The following FSTL4 variants were observed in gnomAD, a reference collection of about 807,000 sequenced individuals.
FSTL4 encodes the protein follistatin like 4.
In FSTL4, 28 loss-of-function variants were observed where a neutral mutation model predicts 78.2. The observed-to-expected ratio is 0.36, with a 90% confidence interval of 0.27 to 0.49. The LOEUF (loss-of-function observed/expected upper bound fraction) is 0.49. FSTL4 is among the 20% of genes least tolerant of loss of function. FSTL4 has a pLI of 0.98. For synonymous variants in FSTL4, 422 were observed against 440.5 expected (o/e 0.96, Z 0.53); for missense variants, 922 against 1,084.9 (o/e 0.85, Z 2.11).
chr5:133,292,578 A>C (rs1753291263), intron 6 of FSTL4, among the ~76,000 whole-genome samples: 1 of 151,694 alleles, frequency 6.6e-6, no homozygotes, highest in Non-Finnish European at 1.5e-5. Flanking sequence ...AGAAAGTGTG[A>C]AGTAGCAAAC....
chr5:133,819,655 C>T, the FSTL4 span, among the ~76,000 whole-genome samples: 1 of 152,204 alleles, frequency 6.6e-6, no homozygotes, highest in South Asian at 2.1e-4. Flanking sequence ...AAGATGAAAC[C>T]GGGCTGCCCA....
At chr5:133,502,794 C>T (rs925829879) in intron 3 of FSTL4, among the ~76,000 whole-genome samples, 5 of 152,144 alleles carry the variant, frequency 3.3e-5, no homozygotes, top group African/African-American at 1.2e-4. Context: ...GCCAATTAAA[C>T]CTCTTTTCTT....
At chr5:133,366,930 T>C (rs1755193067) in intron 4 of FSTL4, among the ~76,000 whole-genome samples, 1 of 152,208 alleles carries the variant, frequency 6.6e-6, no homozygotes, top group Non-Finnish European at 1.5e-5. Flanking sequence ...TGCTGTTAAA[T>C]GATATATTTA....
chr5:133,226,167 A>G (rs912910408), intron 8 of FSTL4, among the ~76,000 whole-genome samples: 13 of 152,222 alleles, frequency 8.5e-5, no homozygotes, highest in African/African-American at 3.1e-4. Context: ...ATTTAGATAC[A>G]TTCCCTTTCT....
At chr5:133,778,210 C>T in the FSTL4 span, among the ~76,000 whole-genome samples, 1 of 152,206 alleles carries the variant, frequency 6.6e-6, no homozygotes, top group African/African-American at 2.4e-5. Flanking sequence ...TGGTGCCAGT[C>T]ACCTGCAACA....
At chr5:133,748,395 C>A in the FSTL4 span, among the ~76,000 whole-genome samples, 71 of 151,814 alleles carry the variant, frequency 4.7e-4, no homozygotes, top group Non-Finnish European at 5.9e-5. Flanking sequence ...CATGGTGAAA[C>A]CCTATCTCTA....
chr5:133,829,785 G>A, the FSTL4 span, among the ~76,000 whole-genome samples: 1 of 152,192 alleles, frequency 6.6e-6, no homozygotes, highest in African/African-American at 2.4e-5. Context: ...CTTGCTGCCA[G>A]CCCTGAGGAA....
chr5:133,463,075 T>C (rs773509474), intron 3 of FSTL4, among the ~76,000 whole-genome samples: 22 of 152,224 alleles, frequency 1.4e-4, no homozygotes, highest in Non-Finnish European at 3.1e-4. Context: ...ATCTTTACTA[T>C]GCATGAAGCA....
rs538513286 is a variant in FSTL4 at position 133,448,838 on chromosome 5, G to T, written c.161-47852C>A. Among the ~76,000 whole-genome samples, 4 of 152,156 alleles carry T rather than the reference G, an allele frequency of 2.6e-5. No homozygotes were observed. The South Asian group carries it at 6.2e-4, about 24-fold the overall frequency. ...TGACACCCAAAGGTGATAAGATGGGGTTTTAAATTCAGGTCCCCAAATCTA... is the reference window on the plus strand; with the variant it reads ...TGACACCCAAAGGTGATAAGATGGGTTTTTAAATTCAGGTCCCCAAATCTA... On this transcript the variant is annotated intron_variant, in intron 3 of 15. Coordinates refer to ENST00000265342, the MANE Select transcript of FSTL4 (RefSeq NM_015082.2).
chr5:133,341,225 A>ATTTT (rs1242311488), intron 4 of FSTL4, among the ~76,000 whole-genome samples: 1,600 of 125,452 alleles, frequency 0.013, 19 homozygotes, highest in Non-Finnish European at 0.022. Context: ...TCCTGCTCAC[A>ATTTT]TTTTTTTTTT....
At chr5:133,833,715 G>T in the FSTL4 span, among the ~76,000 whole-genome samples, 1 of 152,240 alleles carries the variant, frequency 6.6e-6, no homozygotes, top group Admixed American at 6.5e-5. Context: ...AGAGGCAGAA[G>T]CAGAAAGGTA....
At chr5:133,816,530 C>T in the FSTL4 span, among the ~76,000 whole-genome samples, 2 of 152,180 alleles carry the variant, frequency 1.3e-5, no homozygotes, top group Admixed American at 1.3e-4. Context: ...GATGGCACAT[C>T]GATCGGCTCC....
rs1279075580 is a variant in FSTL4 at position 133,361,476 on chromosome 5, C to T, written c.409+39262G>A. Among the ~76,000 whole-genome samples the T allele has an allele frequency of 6.6e-6, 1 of 152,248 alleles. No homozygotes were observed. The highest frequency in any genetic ancestry group is 1.5e-5 in the Non-Finnish European group (1 of 68,044). On this transcript the variant is annotated intron_variant, in intron 4 of 15. Coordinates refer to ENST00000265342, the MANE Select transcript of FSTL4 (RefSeq NM_015082.2). The surrounding 1 kb of genome is among the most constrained non-coding windows in gnomAD (Gnocchi z 4.3). ...CAATCTTTCCTCTTTTCATCCTTAT[C>T]TGCCCAAGGATCTCAGGGCTCCCTG...
chr5:133,447,029 G>A (rs926863239), intron 3 of FSTL4, among the ~76,000 whole-genome samples: 7 of 152,232 alleles, frequency 4.6e-5, no homozygotes, highest in Non-Finnish European at 7.3e-5. Flanking sequence ...CAGGACCCAG[G>A]AGACTGTTCA....
Position 133,600,325 on chromosome 5 carries a change from T to C in FSTL4, c.126+3533A>G, listed in dbSNP as rs867755872. On this transcript the variant is annotated intron_variant, in intron 2 of 15. Coordinates refer to ENST00000265342, the MANE Select transcript of FSTL4 (RefSeq NM_015082.2). ...GCTACGATGTTTGGTAGGATAGGTGTATGAAATACATTTTCGACCTATGAT... is the reference window on the plus strand; with the variant it reads ...GCTACGATGTTTGGTAGGATAGGTGCATGAAATACATTTTCGACCTATGAT... Among the ~76,000 whole-genome samples, 71 of 152,114 alleles carry C rather than the reference T, an allele frequency of 4.7e-4. 1 individual carries two copies. The highest frequency in any genetic ancestry group is 1.6e-3 in the African/African-American group (65 of 41,418).
rs1761089081 is a variant in FSTL4 at position 133,611,365 on chromosome 5, C to T, written c.-11+960G>A. 6.6e-6 allele frequency among the ~76,000 whole-genome samples: 1 copy of T among 152,228 alleles called. No homozygotes were observed. Among genetic ancestry groups the T allele is most frequent in the African/African-American group, 2.4e-5 (1 of 41,476 alleles). Reference sequence around the variant, plus strand: ...GGCACAAAGTCCTCAGGTGGCAGGCCTGGGGTTGGCGCCGCTTTGTCGGCT... The same window carrying T: ...GGCACAAAGTCCTCAGGTGGCAGGCTTGGGGTTGGCGCCGCTTTGTCGGCT... On this transcript the variant is annotated intron_variant, in intron 1 of 15. Transcript: ENST00000265342. This position sits in a 1 kb window ranked among gnomAD's most constrained non-coding sequence, Gnocchi z 4.9.
intron 3 of FSTL4, among the ~76,000 whole-genome samples, chr5:133,500,273 A>C (rs1238990535): frequency 6.6e-6 from 1 of 152,218 alleles, no homozygotes; most frequent in Non-Finnish European, 1.5e-5. Flanking sequence ...CAAAGAAAGT[A>C]GTTAGCTGAT....
chr5:133,518,942 T>C (rs920611346), intron 3 of FSTL4, among the ~76,000 whole-genome samples: 2 of 152,228 alleles, frequency 1.3e-5, no homozygotes, highest in African/African-American at 4.8e-5. Context: ...AAATTAACAA[T>C]AATCTTTGTA....
chr5:133,272,251 C>T (rs1215835705), intron 6 of FSTL4, among the ~76,000 whole-genome samples: 1 of 152,248 alleles, frequency 6.6e-6, no homozygotes, highest in Admixed American at 6.5e-5. Flanking sequence ...ACGGCCATTT[C>T]TTGAAGCCAA....
Sources: gnomAD v4.1 joint callset for allele counts (sites outside exome capture counted in the v4.1 genomes callset) on GRCh38, gnomAD v4.1.1 for gene constraint, Gnocchi (gnomAD v3.1) non-coding constraint, MANE v1.5 for transcripts, NCBI Gene and HGNC (gene_info 2026-07-23, HGNC 2026-07-21) for gene names.